CUL4A: variants seen among roughly 807,000 people sequenced by gnomAD.
The protein encoded by CUL4A is cullin-4A.
CUL4A carries 16 observed loss-of-function variants against 95.5 expected under a neutral mutation model. The ratio of observed to expected loss-of-function variants is 0.17; its 90% CI spans 0.11 to 0.25. CUL4A has a LOEUF of 0.25. CUL4A is among the 10% of genes least tolerant of loss of function. CUL4A has a pLI of 1.00. For synonymous variants in CUL4A, 380 were observed against 353.1 expected, an observed-to-expected ratio of 1.08 and a Z score of -0.85; for missense variants, 610 against 937.0, an observed-to-expected ratio of 0.65 and a Z score of 4.56.
Position 113,264,006 on chromosome 13 carries a change from A to G in CUL4A, c.*424A>G, listed in dbSNP as rs534206137. The G allele has an allele frequency of 6.5e-6, 1 of 154,184 alleles. No homozygotes were observed. Among genetic ancestry groups the G allele is most frequent in the South Asian group, 2.1e-4 (1 of 4,852 alleles). The allele number at this position is 154,184 out of a possible 1,614,324, so 9.6% of individuals were successfully genotyped here. ...GAAGATTCCTTAGGTATCCCTGAAG[A>G]CAGCTCGCTCAGATGATCAGCATTT... On this transcript the variant is annotated 3_prime_UTR_variant, in exon 20 of 20. Transcript: ENST00000375440.
chr13:113,235,068 A>G lies in CUL4A; in HGVS notation c.771A>G (p.Pro257=), dbSNP rs372323261. Residue 257 remains proline (P), a synonymous_variant, in exon 8 of 20, where the codon CCA becomes CCG. Transcript: ENST00000375440. The part of the protein sequence containing the change: ...GQRLMQEREV[P]EYLNHVSKRL... ...TTAATTGTTTTGTTTGTAAGGTTCC[A>G]GAATATCTTAACCATGTAAGTAAAC... The G allele has an allele frequency of 5.6e-6, 9 of 1,607,316 alleles. No homozygotes were observed. Among genetic ancestry groups the G allele is most frequent in the African/African-American group, 1.3e-5 (1 of 74,810 alleles).
Position 113,236,977 on chromosome 13 carries a change from G to T in CUL4A, c.916+87G>T, listed in dbSNP as rs2041565974. The T allele has an allele frequency of 9.6e-5, 80 of 836,574 alleles. No homozygotes were observed. In the South Asian group the frequency reaches 1.3e-3, roughly 14 times the overall value. 51.8% of individuals were successfully genotyped at this position (836,574 alleles called of 1,614,324 possible). ...TAAAGGGGGCATTACAAATAGCAGT[G>T]TTAGGACGTTTGTTATTTTCATAAG... On this transcript the variant is annotated intron_variant, in intron 9 of 19. Transcript: ENST00000375440.
At chr13:113,239,903 C>G (rs956311008) in intron 10 of CUL4A, among the ~76,000 whole-genome samples, 15 of 152,214 alleles carry the variant, frequency 9.9e-5, no homozygotes, top group African/African-American at 3.1e-4. Flanking sequence ...GACATGATCT[C>G]CTCATGCCCT....
chr13:113,244,765 G>A lies in CUL4A; in HGVS notation c.1334-184G>A, dbSNP rs368598770. ...CTGAGGCAGAGAATGGCGTGAACGC[G>A]GGAGGCGGAGCTTGCAGTGAGCCGA... On this transcript the variant is annotated intron_variant, in intron 12 of 19. Coordinates refer to ENST00000375440, the MANE Select transcript of CUL4A (RefSeq NM_001008895.4). 3.3e-4 allele frequency among the ~76,000 whole-genome samples: 50 copies of A among 152,098 alleles called. No individual in the cohort carries two copies. The South Asian group carries it at 7.1e-3, about 21-fold the overall frequency.
At chr13:113,233,802 A>G (rs894440202) in intron 6 of CUL4A, 95 bp from the exon 7 acceptor site, 5 of 814,880 alleles carry the variant, frequency 6.1e-6, no homozygotes, top group Non-Finnish European at 1.1e-5. Context: ...AGTTCAGGTC[A>G]TGGCAGCCTG....
intron 15 of CUL4A, among the ~76,000 whole-genome samples, chr13:113,247,137 T>C (rs533072671): frequency 1.3e-5 from 2 of 152,102 alleles, no homozygotes; most frequent in Admixed American, 1.3e-4. Flanking sequence ...AACAATCAGA[T>C]CTCGTGGTAA....
intron 18 of CUL4A, among the ~76,000 whole-genome samples, chr13:113,257,364 G>A (rs187085268): frequency 6.6e-6 from 1 of 152,068 alleles, no homozygotes; most frequent in East Asian, 1.9e-4. Flanking sequence ...GGCCATTCTT[G>A]TATTACTATA....
At chr13:113,208,908 A>C, upstream of CUL4A, 3 of 1,374,786 alleles carry the variant, frequency 2.2e-6, no homozygotes, top group Non-Finnish European at 2.8e-6. Flanking sequence ...TTTGGGGTCC[A>C]GTGGCGAGGA....
intron 15 of CUL4A, among the ~76,000 whole-genome samples, 154 bp from the exon 16 acceptor site, chr13:113,252,928 C>T (rs1465252458): frequency 2.6e-5 from 4 of 152,230 alleles, no homozygotes; most frequent in South Asian, 4.1e-4. Context: ...GGATTGAGGA[C>T]GTTTTTACAA....
At position 113,244,879 on chromosome 13, in the gene CUL4A, GA is replaced by G. The variant is rs1595407468; in HGVS notation, c.1334-68del. The G allele has an allele frequency of 5.3e-6, 5 of 935,488 alleles. No homozygotes were observed. The Admixed American group carries it at 6.0e-5, about 11-fold the overall frequency. 57.9% of individuals were successfully genotyped at this position (935,488 alleles called of 1,614,324 possible). On this transcript the variant is annotated intron_variant, in intron 12 of 19. Transcript: ENST00000375440. ...ACACTTTTAAGGGTTTTCAGCAGTTGAAGTTTGAAGTTTAACATTTGCTTAT... is the reference window on the plus strand; with the variant it reads ...ACACTTTTAAGGGTTTTCAGCAGTTGAGTTTGAAGTTTAACATTTGCTTAT...
At position 113,244,395 on chromosome 13, in the gene CUL4A, T is replaced by C; in HGVS notation, c.1229-15T>C. ...TTTCTAGTTTAGAGTATTTACTATA[T>C]GTTTATGCTCACAGCAAAGCATGTG... On this transcript the variant is annotated splice_polypyrimidine_tract_variant and intron_variant, in intron 11 of 19. Coordinates refer to ENST00000375440, the MANE Select transcript of CUL4A (RefSeq NM_001008895.4). 1.9e-6 allele frequency: 3 copies of C among 1,589,898 alleles called. No homozygotes were observed. Among genetic ancestry groups the C allele is most frequent in the Non-Finnish European group, 2.6e-6 (3 of 1,161,288 alleles).
In CUL4A at chr13:113,266,586, G is replaced by A. The variant is rs1007419074; in HGVS notation, c.*3004G>A. 1.7e-4 allele frequency: 26 copies of A among 152,306 alleles called. No individual in the cohort carries two copies. Among genetic ancestry groups the A allele is most frequent in the African/African-American group, 5.3e-4 (22 of 41,570 alleles). The allele number at this position is 152,306 out of a possible 1,614,324, so 9.4% of individuals were successfully genotyped here. On this transcript the variant is annotated 3_prime_UTR_variant, in exon 20 of 20. Transcript: ENST00000375440. ...TAAATTCTGCTGTTTTTAGAACATT[G>A]TAATTGAAACAGCATGATGCTGGCC... is the stretch of plus-strand genomic sequence containing the variant.
In CUL4A at chr13:113,229,433, TTC is replaced by T. The variant is rs764981713; in HGVS notation, c.439-11_439-10del. The stretch of plus-strand genomic sequence containing the variant: ...GAATTCATAAGTAAATGGTTCTCCT[TTC>T]TGCTGGTCAGATCATGATCAGAAGC... On this transcript the variant is annotated splice_polypyrimidine_tract_variant and intron_variant, in intron 4 of 19. Transcript: ENST00000375440. 22 of 1,612,600 alleles carry T rather than the reference TTC, an allele frequency of 1.4e-5. No individual in the cohort carries two copies. The Admixed American group carries it at 3.2e-4, about 23-fold the overall frequency.
chr13:113,260,685 A>G lies in CUL4A; in HGVS notation c.2110A>G (p.Met704Val), dbSNP rs1450523381. The part of the protein sequence containing the change: ...YQIDAAIVRI[M>V]KMRKTLGHNL... Reference sequence around the variant, plus strand: ...GATTGATGCTGCTATCGTCAGAATAATGAAGATGAGAAAGACTCTTGGTCA... The same window carrying G: ...GATTGATGCTGCTATCGTCAGAATAGTGAAGATGAGAAAGACTCTTGGTCA... Residue 704 changes from methionine to valine, a missense_variant, in exon 19 of 20, where the codon ATG (methionine) becomes GTG (valine). By Grantham distance (21) the Met-to-Val change is conservative. Transcript: ENST00000375440. 6.2e-7 allele frequency: 1 copy of G among 1,611,616 alleles called. No homozygotes were observed. Among genetic ancestry groups the G allele is most frequent in the East Asian group, 2.2e-5 (1 of 44,852 alleles).
chr13:113,231,629 A>T (rs572391590), intron 5 of CUL4A, among the ~76,000 whole-genome samples: 56 of 152,142 alleles, frequency 3.7e-4, no homozygotes, highest in Non-Finnish European at 7.6e-4. Context: ...AACTAATAAC[A>T]TTTGATCCCC....
chr13:113,263,255 C>G (rs1361859907), intron 19 of CUL4A, among the ~76,000 whole-genome samples: 1 of 152,216 alleles, frequency 6.6e-6, no homozygotes, highest in Non-Finnish European at 1.5e-5. Flanking sequence ...TGACCATAAA[C>G]TCACATGGAC....
chr13:113,260,922 A>G (rs1276059338), intron 19 of CUL4A, among the ~76,000 whole-genome samples, 163 bp downstream of exon 19: 1 of 152,196 alleles, frequency 6.6e-6, no homozygotes. Flanking sequence ...TCTTTATTCC[A>G]GGTGTTGCTC....
chr13:113,248,350 A>C (rs1051115336), intron 15 of CUL4A, among the ~76,000 whole-genome samples: 1 of 151,986 alleles, frequency 6.6e-6, no homozygotes, highest in Non-Finnish European at 1.5e-5. Flanking sequence ...CTCTCTCTTT[A>C]TATCATTATG....
chr13:113,249,969 G>A lies in CUL4A; in HGVS notation c.1639-3113G>A, dbSNP rs147268755. ...TATCTTTTGTTATTAAGCTATAAGA[G>A]CTCTTTATATTCCAAATGCTAGACC... On this transcript the variant is annotated intron_variant, in intron 15 of 19. Transcript: ENST00000375440. Among the ~76,000 whole-genome samples the A allele has an allele frequency of 8.9e-4, 136 of 152,268 alleles. 1 individual carries two copies. The highest frequency in any genetic ancestry group is 3.2e-3 in the African/African-American group (131 of 41,542).
Sources: gnomAD v4.1 joint callset for allele counts (sites outside exome capture counted in the v4.1 genomes callset) on GRCh38, gnomAD v4.1.1 for gene constraint, MANE v1.5 for transcripts, NCBI Gene and HGNC (gene_info 2026-07-23, HGNC 2026-07-21) for gene names.